TNR: variants seen among roughly 807,000 people sequenced by gnomAD.
The protein encoded by TNR is tenascin-R.
In TNR, 45 loss-of-function variants were observed where a neutral mutation model predicts 150.4. That is an observed-to-expected ratio of 0.30 (90% CI 0.24 to 0.38). The LOEUF (loss-of-function observed/expected upper bound fraction) is 0.38, where lower values mean the gene tolerates loss of function less well. Ranked by LOEUF, TNR falls within the 10% of genes least tolerant of loss-of-function variation. The probability of loss-of-function intolerance (pLI) is 1.00; values close to 1 mark genes in which losing one functional copy is unlikely to be tolerated. For synonymous variants in TNR, 687 were observed against 678.4 expected (o/e 1.01, Z -0.20); for missense variants, 1,544 against 1,759.1 (o/e 0.88, Z 2.19).
chr1:175,735,650 A>G (rs1423429017), intron 1 of TNR, among the ~76,000 whole-genome samples: 1 of 152,174 alleles, frequency 6.6e-6, no homozygotes, highest in Non-Finnish European at 1.5e-5. Context: ...AAATTCAAAC[A>G]ATTACTCTAG....
At chr1:175,389,883 G>A (rs892343762) in intron 7 of TNR, among the ~76,000 whole-genome samples, 5 of 152,144 alleles carry the variant, frequency 3.3e-5, no homozygotes, top group Non-Finnish European at 7.3e-5. Context: ...TGGTTATGGG[G>A]TTTCTTCTAA....
chr1:175,656,176 GTGTGTGTGTGTGTGTA>G lies in TNR; in HGVS notation c.-165+87034_-165+87049del, dbSNP rs1435151212. On this transcript the variant is annotated intron_variant, in intron 1 of 22. Transcript: ENST00000367674. ...TGTGTGTGTGTGTGTGTGTGTGTGT[GTGTGTGTGTGTGTGTA>G]TGTGGTCTACCTTTTTCTAATTTGC... Among the ~76,000 whole-genome samples, 215 of 150,096 alleles carry G rather than the reference GTGTGTGTGTGTGTGTA, an allele frequency of 1.4e-3. 2 individuals carry two copies. The highest frequency in any genetic ancestry group is 5.2e-3 in the African/African-American group (206 of 39,974).
intron 10 of TNR, 34 bp downstream of exon 10, chr1:175,367,174 C>A: frequency 6.2e-7 from 1 of 1,605,512 alleles, no homozygotes; most frequent in South Asian, 1.1e-5. Flanking sequence ...TATAGGCTAA[C>A]CTGGTCTTCT....
chr1:175,468,881 C>G (rs1330611528), intron 2 of TNR, among the ~76,000 whole-genome samples: 1 of 151,914 alleles, frequency 6.6e-6, no homozygotes, highest in Non-Finnish European at 1.5e-5. Flanking sequence ...AAGGTGAGCA[C>G]AAAGCTGGCG....
rs147416272 is a variant in TNR at position 175,478,366 on chromosome 1, A to G, written c.-64+49903T>C. The stretch of plus-strand genomic sequence containing the variant: ...TTGGATGAATTTAGAAAGAAAGCAG[A>G]GTGCAATCGAGGGCAGAAATGCAGT... On this transcript the variant is annotated intron_variant, in intron 2 of 22. Transcript: ENST00000367674. Among the ~76,000 whole-genome samples, 1,321 of 152,322 alleles carry G rather than the reference A, an allele frequency of 8.7e-3. 18 individuals are homozygous for G. Among genetic ancestry groups the G allele is most frequent in the African/African-American group, 0.029 (1,221 of 41,586 alleles).
intron 1 of TNR, among the ~76,000 whole-genome samples, chr1:175,640,004 C>T (rs980096323): frequency 6.6e-6 from 1 of 152,214 alleles, no homozygotes; most frequent in East Asian, 1.9e-4. Context: ...CTGTTTACTG[C>T]TGTAACCCCA....
At chr1:175,458,747 A>G (rs1283662971) in intron 2 of TNR, among the ~76,000 whole-genome samples, 2 of 152,242 alleles carry the variant, frequency 1.3e-5, no homozygotes, top group Admixed American at 1.3e-4. Flanking sequence ...TCTGATTTGA[A>G]ATAGGAGCAA....
chr1:175,469,862 T>G (rs984029805), intron 2 of TNR, among the ~76,000 whole-genome samples: 1 of 151,992 alleles, frequency 6.6e-6, no homozygotes, highest in Non-Finnish European at 1.5e-5. Flanking sequence ...GAGACGGGCC[T>G]GGAGACTACT....
intron 9 of TNR, among the ~76,000 whole-genome samples, chr1:175,378,074 C>T (rs1191164478): frequency 6.6e-6 from 1 of 152,232 alleles, no homozygotes; most frequent in Non-Finnish European, 1.5e-5. Context: ...CCATCATCAT[C>T]TCCCTTTGAC....
intron 1 of TNR, among the ~76,000 whole-genome samples, chr1:175,694,210 T>G (rs1190400976): frequency 6.6e-6 from 1 of 152,214 alleles, no homozygotes; most frequent in Admixed American, 6.5e-5. Context: ...TATCCCTACT[T>G]GGTTGACCTC....
At chr1:175,605,952 G>A (rs1444994405) in intron 1 of TNR, among the ~76,000 whole-genome samples, 6 of 152,224 alleles carry the variant, frequency 3.9e-5, no homozygotes, top group Admixed American at 3.3e-4. Flanking sequence ...TTAGTGTTGG[G>A]AAGGGTTAGG....
chr1:175,557,061 C>A (rs1055215356), intron 1 of TNR, among the ~76,000 whole-genome samples: 1 of 152,182 alleles, frequency 6.6e-6, no homozygotes, highest in Non-Finnish European at 1.5e-5. Context: ...CTCCCCACTG[C>A]CCAATAATCA....
At chr1:175,385,082 T>C (rs1652858334) in intron 8 of TNR, among the ~76,000 whole-genome samples, 1 of 152,184 alleles carries the variant, frequency 6.6e-6, no homozygotes. Context: ...CTTACAGATG[T>C]TATCAGTTTT....
chr1:175,669,329 A>C (rs748275141), intron 1 of TNR, among the ~76,000 whole-genome samples: 1 of 152,204 alleles, frequency 6.6e-6, no homozygotes, highest in South Asian at 2.1e-4. Flanking sequence ...GGCGCTCAAC[A>C]TGGTTGATGA....
At chr1:175,506,363 A>C (rs147213322) in intron 2 of TNR, among the ~76,000 whole-genome samples, 2 of 152,322 alleles carry the variant, frequency 1.3e-5, no homozygotes, top group Admixed American at 6.5e-5. Context: ...CATTCTAAAC[A>C]CTTATGTTAG....
intron 1 of TNR, among the ~76,000 whole-genome samples, chr1:175,547,164 C>A (rs143068940): frequency 6.6e-6 from 1 of 152,206 alleles, no homozygotes; most frequent in East Asian, 1.9e-4. Context: ...TGCAAGCCTG[C>A]GTAGCAGATT....
chr1:175,636,458 A>G (rs1471142015), intron 1 of TNR, among the ~76,000 whole-genome samples: 1 of 152,030 alleles, frequency 6.6e-6, no homozygotes, highest in Admixed American at 6.6e-5. Flanking sequence ...TCTCCCTGAG[A>G]AGCCCCTGAC....
At position 175,392,449 on chromosome 1, in the gene TNR, C is replaced by T. The variant is rs115994951; in HGVS notation, c.1357-1011G>A. Among the ~76,000 whole-genome samples, 420 of 152,256 alleles carry T rather than the reference C, an allele frequency of 2.8e-3. 3 individuals are homozygous for T. The highest frequency in any genetic ancestry group is 9.6e-3 in the African/African-American group (400 of 41,546). ...GGCCATGCATTTGACCTTGGCATTC[C>T]CTGGTCAGCCTCTCTTTTAATTAGA... is the stretch of plus-strand genomic sequence containing the variant. On this transcript the variant is annotated intron_variant, in intron 6 of 22. Coordinates refer to ENST00000367674, the MANE Select transcript of TNR (RefSeq NM_003285.3).
chr1:175,466,455 C>T (rs1657039521), intron 2 of TNR, among the ~76,000 whole-genome samples: 1 of 152,192 alleles, frequency 6.6e-6, no homozygotes, highest in South Asian at 2.1e-4. Context: ...TTCCGTCTTC[C>T]CAGGAGATTT....
Sources: gnomAD v4.1 joint callset for allele counts (sites outside exome capture counted in the v4.1 genomes callset) on GRCh38, gnomAD v4.1.1 for gene constraint, MANE v1.5 for transcripts, NCBI Gene and HGNC (gene_info 2026-07-23, HGNC 2026-07-21) for gene names.